Variants in SPAG17 observed in about 807,000 individuals in gnomAD.
The protein encoded by SPAG17 is sperm associated antigen 17, also known as sperm-associated antigen 17.
In SPAG17, 169 loss-of-function variants were observed where a neutral mutation model predicts 273.6. The observed-to-expected ratio is 0.62, with a 90% CI of 0.55 to 0.70. The LOEUF is 0.70. SPAG17 is among the 30% of genes least tolerant of loss of function. The pLI, the probability that SPAG17 is intolerant of heterozygous loss-of-function variation, is 0.00. For missense variants in SPAG17, 2,557 were observed against 2,627.8 expected (o/e 0.97, Z 0.59); for synonymous variants, 825 against 873.2 (o/e 0.94, Z 0.97).
intron 21 of SPAG17, 152 bp from the exon 22 acceptor site, chr1:118,040,993 T>A: frequency 1.5e-6 from 1 of 646,644 alleles, no homozygotes; most frequent in Non-Finnish European, 2.8e-6. Context: ...GTTCATATTA[T>A]TTTTAGAAAC....
intron 3 of SPAG17, among the ~76,000 whole-genome samples, chr1:118,132,938 T>C (rs1280868011): frequency 6.6e-6 from 1 of 151,538 alleles, no homozygotes; most frequent in East Asian, 1.9e-4. Flanking sequence ...TACCCAGCTA[T>C]TTTTTTGTAT....
chr1:118,054,126 C>A, intron 19 of SPAG17, 33 bp from the exon 20 acceptor site: 2 of 1,424,808 alleles, frequency 1.4e-6, no homozygotes, highest in Non-Finnish European at 2.0e-6. Context: ...TTCTTAGTAA[C>A]TCTTAAATAA....
chr1:118,182,529 C>G (rs1660997322), intron 1 of SPAG17, among the ~76,000 whole-genome samples: 2 of 152,048 alleles, frequency 1.3e-5, no homozygotes, highest in African/African-American at 2.4e-5. Flanking sequence ...TACCTATTTT[C>G]TTTTTATATA....
intron 1 of SPAG17, among the ~76,000 whole-genome samples, chr1:118,182,672 C>T (rs1661003629): frequency 6.6e-6 from 1 of 152,142 alleles, no homozygotes; most frequent in Non-Finnish European, 1.5e-5. Context: ...GTCTAACGTA[C>T]ATTTTTCTCC....
At chr1:118,063,062 C>A (rs556549281) in intron 18 of SPAG17, among the ~76,000 whole-genome samples, 39 of 152,088 alleles carry the variant, frequency 2.6e-4, no homozygotes, top group Non-Finnish European at 4.3e-4. Flanking sequence ...GAACTACAAA[C>A]CAGTGCTCAA....
At chr1:118,163,499 T>C (rs1660025264) in intron 1 of SPAG17, among the ~76,000 whole-genome samples, 1 of 151,564 alleles carries the variant, frequency 6.6e-6, no homozygotes. Context: ...AAGAACTTAC[T>C]CCTTTTTGTT....
chr1:118,040,762 T>A lies in SPAG17; in HGVS notation c.3134A>T (p.Gln1045Leu), dbSNP rs1165498632. 7 of 1,604,186 alleles carry A rather than the reference T, an allele frequency of 4.4e-6. 1 individual carries two copies. The South Asian group carries it at 7.7e-5, about 18-fold the overall frequency. Residue 1045 changes from glutamine (Q) to leucine (L), a missense_variant, in exon 22 of 49, where the codon CAG (glutamine) becomes CTG (leucine). Gln to Leu is a moderately radical substitution (Grantham distance 113). Coordinates refer to ENST00000336338, the MANE Select transcript of SPAG17 (RefSeq NM_206996.4). ...NYYLYPSDGGQIEVEKTMFEK... is the reference protein window; with the variant it reads ...NYYLYPSDGGLIEVEKTMFEK... The stretch of plus-strand genomic sequence containing the variant: ...AAACATTGTCTTTTCCACTTCAATC[T>A]GCCCCCCATCAGAAGGATACAGGTA...
rs185180689 is a variant in SPAG17, at chr1:118,057,673, T to C, written c.2541-1759A>G. On this transcript the variant is annotated intron_variant, in intron 18 of 48. Transcript: ENST00000336338. ...ATCAGAGAAATAAGACAACATTGGATATAAGTTAAAAGGTCAAGAAAAAAA... is the reference window on the plus strand; with the variant it reads ...ATCAGAGAAATAAGACAACATTGGACATAAGTTAAAAGGTCAAGAAAAAAA... Among the ~76,000 whole-genome samples the C allele has an allele frequency of 3.0e-3, 449 of 152,154 alleles. 3 individuals carry two copies. The highest frequency in any genetic ancestry group is 3.9e-3 in the Non-Finnish European group (266 of 68,000).
intron 1 of SPAG17, among the ~76,000 whole-genome samples, chr1:118,156,118 C>G (rs894168519): frequency 6.6e-6 from 1 of 152,148 alleles, no homozygotes; most frequent in Non-Finnish European, 1.5e-5. Flanking sequence ...AATTATATAT[C>G]TCACACAATT....
chr1:118,009,248 A>AACACAC lies in SPAG17; in HGVS notation c.4433-1056_4433-1051dup, dbSNP rs55873088. Among the ~76,000 whole-genome samples the AACACAC allele has an allele frequency of 8.0e-3, 1,140 of 142,682 alleles. 9 individuals are homozygous for AACACAC. The highest frequency in any genetic ancestry group is 0.026 in the African/African-American group (1,019 of 38,596). The allele number at this position is 142,682 out of a possible 152,430, so 93.6% of individuals were successfully genotyped here. A position where few individuals can be genotyped will look rare whatever the true frequency, so the allele number is the denominator to read the frequency against. On this transcript the variant is annotated intron_variant, in intron 30 of 48. Coordinates refer to ENST00000336338, the MANE Select transcript of SPAG17 (RefSeq NM_206996.4). ...AAGAGTGTAGACTTTAGGTGCTCAT[A>AACACAC]ACACACACACACACACACACACACA...
chr1:118,042,251 T>C (rs546841661), intron 20 of SPAG17, among the ~76,000 whole-genome samples: 4 of 152,240 alleles, frequency 2.6e-5, no homozygotes, highest in African/African-American at 7.2e-5. Context: ...CCCTTTGAGA[T>C]CTCTCCTCAC....
At chr1:118,020,902 G>A (rs1660435774) in intron 28 of SPAG17, among the ~76,000 whole-genome samples, 1 of 152,068 alleles carries the variant, frequency 6.6e-6, no homozygotes, top group Non-Finnish European at 1.5e-5. Context: ...TATATTTAGT[G>A]CATATAAAGT....
At position 117,988,188 on chromosome 1, in the gene SPAG17, A is replaced by T; in HGVS notation, c.5538T>A (p.Thr1846=). ...SHVTEVAAHL[T]DLFKQSLATP... Reference sequence around the variant, plus strand: ...TAGCCAAAGACTGCTTGAATAAATCAGTTAGGTGAGCTGCAACTTTAAACA... The same window carrying T: ...TAGCCAAAGACTGCTTGAATAAATCTGTTAGGTGAGCTGCAACTTTAAACA... Residue 1846 remains threonine, a synonymous_variant, in exon 39 of 49, where the codon ACT becomes ACA. Transcript: ENST00000336338. 1.3e-6 allele frequency: 2 copies of T among 1,598,606 alleles called. No individual in the cohort carries two copies. Among genetic ancestry groups the T allele is most frequent in the Non-Finnish European group, 1.7e-6 (2 of 1,175,832 alleles).
At chr1:117,984,518 T>A (rs776202678) in intron 41 of SPAG17, among the ~76,000 whole-genome samples, 165 bp downstream of exon 41, 2 of 152,186 alleles carry the variant, frequency 1.3e-5, no homozygotes, top group Non-Finnish European at 2.9e-5. Flanking sequence ...GTCTTCCTTA[T>A]CACATGCTTG....
intron 1 of SPAG17, among the ~76,000 whole-genome samples, chr1:118,181,466 A>T (rs919357461): frequency 1.3e-5 from 2 of 152,126 alleles, no homozygotes; most frequent in Non-Finnish European, 2.9e-5. Context: ...TATTCCATGC[A>T]AATATTAATA....
rs549176144 is a variant in SPAG17 at position 118,007,654 on chromosome 1, G to C, written c.4587+390C>G. 3.3e-5 allele frequency among the ~76,000 whole-genome samples: 5 copies of C among 152,310 alleles called. No individual in the cohort carries two copies. The South Asian group carries it at 1.0e-3, about 32-fold the overall frequency. ...TGAGTAGAGTAGTGAGGACTGACTG[G>C]AGGTGGGAAGGATGGATAATGAGAA... On this transcript the variant is annotated intron_variant, in intron 31 of 48. Transcript: ENST00000336338.
chr1:117,997,752 G>A (rs1340024168), intron 32 of SPAG17, among the ~76,000 whole-genome samples: 1 of 152,074 alleles, frequency 6.6e-6, no homozygotes, highest in Non-Finnish European at 1.5e-5. Flanking sequence ...GTAAACAAAT[G>A]AGCATGACTG....
At chr1:117,990,778 A>G (rs888943032) in intron 38 of SPAG17, 83 bp downstream of exon 38, 1 of 865,538 alleles carries the variant, frequency 1.2e-6, no homozygotes, top group Non-Finnish European at 1.8e-6. Flanking sequence ...GTTATCAGAT[A>G]AGAGAATGAC....
At chr1:117,971,010 A>G (rs1198245859) in intron 45 of SPAG17, among the ~76,000 whole-genome samples, 1 of 152,014 alleles carries the variant, frequency 6.6e-6, no homozygotes, top group Non-Finnish European at 1.5e-5. Flanking sequence ...AACTGAAATA[A>G]CTGAAATGGG....
Sources: gnomAD v4.1 joint callset for allele counts (sites outside exome capture counted in the v4.1 genomes callset) on GRCh38, gnomAD v4.1.1 for gene constraint, MANE v1.5 for transcripts, NCBI Gene and HGNC (gene_info 2026-07-23, HGNC 2026-07-21) for gene names.